The following DGKD variants were observed in gnomAD, a reference collection of about 807,000 sequenced individuals.
DGKD encodes DAG kinase delta.
In DGKD, 68 loss-of-function variants were observed where a neutral mutation model predicts 154.4. That is an observed-to-expected ratio of 0.44 (90% confidence interval 0.36 to 0.54). The LOEUF (loss-of-function observed/expected upper bound fraction) is 0.54. Among genes scored for constraint, DGKD ranks in the 20% least tolerant of loss-of-function variants. The probability of loss-of-function intolerance (pLI) is 0.00; values close to 1 mark genes in which losing one functional copy is unlikely to be tolerated. For missense variants in DGKD, 1,343 were observed against 1,593.6 expected (o/e 0.84, Z 2.68); for synonymous variants, 693 against 638.0 (o/e 1.09, Z -1.30).
intron 17 of DGKD, 143 bp downstream of exon 17, chr2:233,451,193 G>T: frequency 7.6e-6 from 6 of 792,288 alleles, no homozygotes; most frequent in South Asian, 3.2e-5. Context: ...TTACACGACT[G>T]TATGAAAAGT....
rs181423361 is a variant in DGKD, at chr2:233,399,513, G to T, written c.348+9030G>T. Among the ~76,000 whole-genome samples the T allele has an allele frequency of 4.9e-3, 751 of 152,322 alleles. 11 individuals are homozygous for T. The highest frequency in any genetic ancestry group is 0.017 in the African/African-American group (720 of 41,548). On this transcript the variant is annotated intron_variant, in intron 3 of 29. Transcript: ENST00000264057. ...TTGCTTCTCTGGGCAGGGCATGGGG[G>T]TTCCCTGCCTGTGGTGGGGGAAGGG...
At chr2:233,454,279 G>A (rs2063382934) in intron 18 of DGKD, 2 of 436,592 alleles carry the variant, frequency 4.6e-6, no homozygotes, top group African/African-American at 2.1e-5. Context: ...ACGCAGTGGA[G>A]TATTATTTGG....
intron 3 of DGKD, among the ~76,000 whole-genome samples, chr2:233,410,674 T>C (rs1183903522): frequency 6.6e-6 from 1 of 152,228 alleles, no homozygotes; most frequent in Non-Finnish European, 1.5e-5. Flanking sequence ...TGTTCTTTAA[T>C]GACTATTCTA....
Position 233,445,652 on chromosome 2 carries a change from A to G in DGKD, c.1224A>G (p.Thr408=). 7 of 1,612,598 alleles carry G rather than the reference A, an allele frequency of 4.3e-6. No individual in the cohort carries two copies. Among genetic ancestry groups the G allele is most frequent in the Non-Finnish European group, 5.1e-6 (6 of 1,179,286 alleles). The part of the protein sequence containing the change: ...QCQLGVLPLG[T]GNDLARVLGW... ...AGCTGGGAGTGCTGCCGCTCGGCAC[A>G]GGGAACGACTTGGCCCGAGTACTGG... Residue 408 remains threonine (T), a synonymous_variant, in exon 11 of 30, where the codon ACA becomes ACG. Transcript: ENST00000264057. The surrounding 1 kb of genome is among the most constrained non-coding windows in gnomAD (Gnocchi z 5.5).
In DGKD at chr2:233,435,794, G is replaced by A. The variant is rs1203090804; in HGVS notation, c.587-24G>A. On this transcript the variant is annotated intron_variant, in intron 5 of 29. Transcript: ENST00000264057. The stretch of plus-strand genomic sequence containing the variant: ...CTCTTGGCACAGACACAGCTTGTAG[G>A]CTCATGTGCCCCTTCTCTCACAGTG... The A allele has an allele frequency of 2.5e-6, 4 of 1,604,268 alleles. No individual in the cohort carries two copies. In the South Asian group the frequency reaches 3.3e-5, roughly 13 times the overall value.
At chr2:233,379,408 G>A (rs1559483783) in intron 1 of DGKD, among the ~76,000 whole-genome samples, 1 of 152,212 alleles carries the variant, frequency 6.6e-6, no homozygotes, top group Non-Finnish European at 1.5e-5. Flanking sequence ...CAGATTGGGA[G>A]GAGCCCGGTG....
chr2:233,457,049 T>G lies in DGKD; in HGVS notation c.2472+54T>G, dbSNP rs2063483344. The stretch of plus-strand genomic sequence containing the variant: ...GGCTGGCCTCCATCCATCAGCAGAC[T>G]GCCAGGCCTATTGCTTCTCCTGTTG... On this transcript the variant is annotated intron_variant, in intron 20 of 29. Transcript: ENST00000264057. The surrounding 1 kb of genome is among the most constrained non-coding windows in gnomAD (Gnocchi z 5.5). 6.8e-7 allele frequency: 1 copy of G among 1,465,476 alleles called. No individual in the cohort carries two copies. The highest frequency in any genetic ancestry group is 1.4e-5 in the African/African-American group (1 of 72,042). The allele number at this position is 1,465,476 out of a possible 1,614,324, so 90.8% of individuals were successfully genotyped here.
chr2:233,464,393 C>G, intron 27 of DGKD, 110 bp downstream of exon 27: 1 of 1,422,132 alleles, frequency 7.0e-7, no homozygotes, highest in Non-Finnish European at 9.7e-7. Context: ...TCGTGTCGCT[C>G]CGGCAGCCCC....
chr2:233,441,148 A>C lies in DGKD; in HGVS notation c.1086-739A>C, dbSNP rs2062871282. 6.9e-6 allele frequency among the ~76,000 whole-genome samples: 1 copy of C among 144,148 alleles called. No individual in the cohort carries two copies. Among genetic ancestry groups the C allele is most frequent in the South Asian group, 2.1e-4 (1 of 4,764 alleles). The allele number at this position is 144,148 out of a possible 152,430, so 94.6% of individuals were successfully genotyped here. On this transcript the variant is annotated intron_variant, in intron 9 of 29. Coordinates refer to ENST00000264057, the MANE Select transcript of DGKD (RefSeq NM_152879.3). This position sits in a 1 kb window ranked among gnomAD's most constrained non-coding sequence, Gnocchi z 5.6. ...TCCTTGAAACTGGATGTGGTCACAC[A>C]GGAAGAGGATGAGGAGTGAGCAGAA...
intron 12 of DGKD, chr2:233,447,473 T>C (rs1223750522): frequency 1.0e-6 from 1 of 985,058 alleles, no homozygotes; most frequent in East Asian, 1.1e-4. Context: ...CCCACGGCCT[T>C]GCAAGCGAAG....
chr2:233,356,820 ATT>A (rs1219720287), intron 1 of DGKD, among the ~76,000 whole-genome samples: 1 of 145,530 alleles, frequency 6.9e-6, no homozygotes, highest in Non-Finnish European at 1.5e-5. Flanking sequence ...TAATAGCTCC[ATT>A]TTTTTTTTTT....
chr2:233,468,612 C>T (rs2063901989), intron 29 of DGKD, 59 bp downstream of exon 29: 4 of 1,603,786 alleles, frequency 2.5e-6, no homozygotes, highest in South Asian at 1.1e-5. Flanking sequence ...GCTCCCTTCT[C>T]TTCCATCCTC....
At chr2:233,465,261 A>G (rs760246154) in intron 27 of DGKD, among the ~76,000 whole-genome samples, 10 of 152,350 alleles carry the variant, frequency 6.6e-5, no homozygotes, top group Admixed American at 3.9e-4. Context: ...ATAATATACA[A>G]TGATTCAACA....
At chr2:233,379,856 A>G (rs982259665) in intron 1 of DGKD, 15 of 152,086 alleles carry the variant, frequency 9.9e-5, no homozygotes, top group African/African-American at 3.4e-4. Context: ...AGAGTAGTCC[A>G]GTGAAGTAGT....
At chr2:233,410,165 A>G (rs879728699) in intron 3 of DGKD, among the ~76,000 whole-genome samples, 17 of 152,024 alleles carry the variant, frequency 1.1e-4, no homozygotes, top group African/African-American at 3.4e-4. Flanking sequence ...CTGCAAAGCT[A>G]TAGAGGGTGG....
At chr2:233,398,388 G>A (rs140725786) in intron 3 of DGKD, among the ~76,000 whole-genome samples, 80 of 151,958 alleles carry the variant, frequency 5.3e-4, no homozygotes, top group African/African-American at 3.4e-4. Context: ...CTCGTGATCC[G>A]CCGGCCTCAG....
At chr2:233,432,414 C>T (rs1331612730) in intron 3 of DGKD, among the ~76,000 whole-genome samples, 2 of 141,474 alleles carry the variant, frequency 1.4e-5, no homozygotes, top group African/African-American at 5.5e-5. Context: ...AATCCCAGCA[C>T]TTTGGAAGGC....
chr2:233,359,075 C>T (rs771088168), intron 1 of DGKD, among the ~76,000 whole-genome samples: 1 of 152,210 alleles, frequency 6.6e-6, no homozygotes, highest in African/African-American at 2.4e-5. Context: ...TGATACTAGC[C>T]ATCCTAGTAG....
At chr2:233,465,368 G>GA (rs967727925) in intron 27 of DGKD, among the ~76,000 whole-genome samples, 3 of 152,194 alleles carry the variant, frequency 2.0e-5, no homozygotes, top group African/African-American at 7.2e-5. Flanking sequence ...TGGACGGGGG[G>GA]AGGAAAGCAT....
Sources: allele counts gnomAD v4.1 joint callset (sites outside exome capture counted in the v4.1 genomes callset), GRCh38; gene constraint gnomAD v4.1.1; non-coding constraint Gnocchi (gnomAD v3.1); transcripts MANE v1.5; gene names NCBI Gene and HGNC (gene_info 2026-07-23, HGNC 2026-07-21).